Variants in IGFL2 observed in about 807,000 individuals in gnomAD.
The protein encoded by IGFL2 is insulin growth factor-like family member 2.
Under a neutral mutation model 13.9 loss-of-function variants are expected in IGFL2, and 7 were observed. The observed-to-expected ratio is 0.51, with a 90% CI of 0.29 to 0.95. IGFL2 has a LOEUF of 0.95. Among genes scored for constraint, IGFL2 ranks in the 40% least tolerant of loss-of-function variants. The pLI is 0.08. For synonymous variants in IGFL2, 55 were observed against 55.8 expected, an observed-to-expected ratio of 0.99 and a Z score of 0.07; for missense variants, 138 against 147.8, an observed-to-expected ratio of 0.93 and a Z score of 0.34.
the IGFL2 span, among the ~76,000 whole-genome samples, chr19:46,211,331 C>A: frequency 3.3e-5 from 5 of 152,216 alleles, no homozygotes; most frequent in Admixed American, 2.0e-4. Flanking sequence ...CACACAGACT[C>A]CTCCTTGTCA....
the IGFL2 span, among the ~76,000 whole-genome samples, chr19:46,186,441 G>A: frequency 1.3e-5 from 2 of 152,328 alleles, no homozygotes; most frequent in East Asian, 3.9e-4. Context: ...GCTCTTATCG[G>A]TGTTGACCCC....
the IGFL2 span, among the ~76,000 whole-genome samples, chr19:46,201,977 G>A: frequency 5.9e-5 from 9 of 152,242 alleles, no homozygotes; most frequent in South Asian, 2.1e-4. Flanking sequence ...TGGGGGAGGC[G>A]ATAGAAGGAT....
At chr19:46,158,786 T>C (rs959909741) in intron 1 of IGFL2, among the ~76,000 whole-genome samples, 18 of 152,116 alleles carry the variant, frequency 1.2e-4, no homozygotes, top group Admixed American at 2.6e-4. Context: ...AGAATGGAGC[T>C]TGGGAGAGAA....
the IGFL2 span, among the ~76,000 whole-genome samples, chr19:46,081,947 G>A: frequency 2.6e-5 from 4 of 152,206 alleles, no homozygotes; most frequent in African/African-American, 9.7e-5. Flanking sequence ...CAGTTTTATA[G>A]TTGTTAATGT....
the IGFL2 span, among the ~76,000 whole-genome samples, chr19:46,089,230 A>T: frequency 6.6e-6 from 1 of 152,206 alleles, no homozygotes; most frequent in Non-Finnish European, 1.5e-5. Context: ...TTTTAAGCTG[A>T]TAACAACTTT....
the IGFL2 span, among the ~76,000 whole-genome samples, chr19:46,116,370 A>G: frequency 2.6e-5 from 4 of 152,208 alleles, no homozygotes; most frequent in Non-Finnish European, 5.9e-5. Context: ...GAGTTTAAGG[A>G]CATTTACCTA....
chr19:46,141,807 G>C (rs559970972), upstream of IGFL2, among the ~76,000 whole-genome samples: 120 of 152,256 alleles, frequency 7.9e-4, 2 homozygotes, highest in Middle Eastern at 0.017. Flanking sequence ...CTCTGTCACT[G>C]TCTTGCCATT....
chr19:46,137,437 G>A, the IGFL2 span: 1 of 1,021,784 alleles, frequency 9.8e-7, no homozygotes. Context: ...CATTGTAATG[G>A]TGCTCATACA....
At chr19:46,213,726 C>T in the IGFL2 span, 1 of 153,942 alleles carries the variant, frequency 6.5e-6, no homozygotes, top group African/African-American at 2.4e-5. Flanking sequence ...ACCCAATCTT[C>T]TTCTAAATGT....
the IGFL2 span, among the ~76,000 whole-genome samples, chr19:46,185,100 T>G: frequency 1.2e-4 from 18 of 152,058 alleles, no homozygotes; most frequent in African/African-American, 3.4e-4. Context: ...GGGTTTTTGG[T>G]TTTTTTTCTT....
At chr19:46,120,468 C>T in the IGFL2 span, 6 of 1,479,468 alleles carry the variant, frequency 4.1e-6, no homozygotes, top group Middle Eastern at 1.8e-4. Flanking sequence ...TTGACTGCTA[C>T]ACCAGATGTG....
upstream of IGFL2, among the ~76,000 whole-genome samples, chr19:46,145,600 A>ATG (rs1024196099): frequency 0.18 from 17,435 of 94,252 alleles, 1,029 homozygotes; most frequent in East Asian, 0.25. Flanking sequence ...ACTCATATAT[A>ATG]TGTGTGTGTG....
the IGFL2 span, chr19:46,207,460 CA>C: frequency 1.3e-5 from 2 of 152,030 alleles, no homozygotes; most frequent in Admixed American, 1.3e-4. Context: ...CAGCTCACTG[CA>C]ACCTCCGCCT....
chr19:46,137,544 C>G, the IGFL2 span: 2 of 1,068,768 alleles, frequency 1.9e-6, no homozygotes, highest in South Asian at 2.5e-5. Flanking sequence ...AAGGGAATGT[C>G]CATGGAATCG....
At chr19:46,110,291 A>G in the IGFL2 span, among the ~76,000 whole-genome samples, 4 of 152,164 alleles carry the variant, frequency 2.6e-5, no homozygotes, top group Admixed American at 2.0e-4. Context: ...TTGGATGTTA[A>G]GTCTGCTGGG....
chr19:46,148,974 C>A (rs201098860), intron 1 of IGFL2: 2 of 1,591,960 alleles, frequency 1.3e-6, no homozygotes, highest in African/African-American at 1.3e-5. Context: ...GGGCTCTCAG[C>A]GCCAGGAAAT....
At chr19:46,154,319 C>T (rs1299686158) in intron 1 of IGFL2, among the ~76,000 whole-genome samples, 1 of 152,092 alleles carries the variant, frequency 6.6e-6, no homozygotes, top group African/African-American at 2.4e-5. Flanking sequence ...AATGTCTAAC[C>T]CTTTTGCCAA....
the IGFL2 span, among the ~76,000 whole-genome samples, chr19:46,117,727 C>T: frequency 6.6e-6 from 1 of 152,200 alleles, no homozygotes; most frequent in Non-Finnish European, 1.5e-5. Flanking sequence ...GATCCACCCA[C>T]CTTAGCCTCC....
At chr19:46,160,115 T>A (rs1974066849) in intron 1 of IGFL2, 1 of 429,410 alleles carries the variant, frequency 2.3e-6, no homozygotes, top group East Asian at 4.5e-5. Context: ...ATGGTTAATC[T>A]TTAACAGCTG....
Sources: allele counts gnomAD v4.1 joint callset (sites outside exome capture counted in the v4.1 genomes callset), GRCh38; gene constraint gnomAD v4.1.1; transcripts MANE v1.5; gene names NCBI Gene and HGNC (gene_info 2026-07-23, HGNC 2026-07-21).